The following TYW1B variants were observed in gnomAD, a reference collection of about 807,000 sequenced individuals.
TYW1B encodes the protein S-adenosyl-L-methionine-dependent tRNA 4-demethylwyosine synthase TYW1B.
A neutral mutation model predicts 86.9 loss-of-function variants in TYW1B; 73 were observed. The observed-to-expected ratio is 0.84, with a 90% CI of 0.70 to 1.02. The LOEUF (loss-of-function observed/expected upper bound fraction) is 1.02, where lower values mean the gene tolerates loss of function less well. TYW1B is among the 50% of genes least tolerant of loss of function. The pLI is 0.00. For missense variants in TYW1B, 637 were observed against 827.4 expected (o/e 0.77, Z 2.82); for synonymous variants, 248 against 292.8 (o/e 0.85, Z 1.56).
chr7:72,634,367 T>C (rs1399362277), intron 11 of TYW1B, among the ~76,000 whole-genome samples: 1 of 147,614 alleles, frequency 6.8e-6, no homozygotes, highest in Non-Finnish European at 1.5e-5. Context: ...TTTTTTTTTT[T>C]CTGTAGAGAC....
In TYW1B at chr7:72,688,419, TC is replaced by T. The variant is rs1814060980; in HGVS notation, c.1506+6267del. Among the ~76,000 whole-genome samples the T allele has an allele frequency of 2.0e-5, 3 of 152,332 alleles. No individual in the cohort carries two copies. The South Asian group carries it at 6.2e-4, about 32-fold the overall frequency. ...CCACACAAAACACTGCACCATACTT[TC>T]TTTTTGACATAGTAATTAAAGACCA... On this transcript the variant is annotated intron_variant, in intron 11 of 13. Transcript: ENST00000620995.
At chr7:72,800,761 T>G (rs1267205314) in intron 6 of TYW1B, among the ~76,000 whole-genome samples, 5 of 150,194 alleles carry the variant, frequency 3.3e-5, no homozygotes, top group Admixed American at 1.3e-4. Context: ...CTCATCCTTC[T>G]CATCACTACT....
rs782610465 is a variant in TYW1B at position 72,713,710 on chromosome 7, G to A, written c.1281C>T (p.Tyr427=). 5 of 1,613,634 alleles carry A rather than the reference G, an allele frequency of 3.1e-6. No homozygotes were observed. In the Admixed American group the frequency reaches 6.7e-5, roughly 22 times the overall value. Residue 427 remains tyrosine, a synonymous_variant, in exon 10 of 14, where the codon TAC becomes TAT. Coordinates refer to ENST00000620995, the MANE Select transcript of TYW1B (RefSeq NM_001145440.3). The part of the protein sequence containing the change: ...ALSLVGEPIM[Y]PEINRFLKLL... Reference sequence around the variant, plus strand: ...GCTTCAAAAACCTGTTGATCTCTGGGTACATTATTGGTTCTCCCACGAGGG... The same window carrying A: ...GCTTCAAAAACCTGTTGATCTCTGGATACATTATTGGTTCTCCCACGAGGG...
intron 12 of TYW1B, 128 bp from the exon 13 acceptor site, chr7:72,616,967 G>C: frequency 8.0e-7 from 1 of 1,252,912 alleles, no homozygotes; most frequent in South Asian, 1.5e-5. Flanking sequence ...AGTGAAGGAA[G>C]TGAATATAGA....
intron 13 of TYW1B, among the ~76,000 whole-genome samples, chr7:72,586,004 G>T (rs1420994040): frequency 6.6e-6 from 1 of 152,116 alleles, no homozygotes; most frequent in Non-Finnish European, 1.5e-5. Flanking sequence ...ATTCACCAGC[G>T]CAAAGTTCAG....
At chr7:72,757,312 G>T (rs1787608639) in intron 7 of TYW1B, among the ~76,000 whole-genome samples, 1 of 149,214 alleles carries the variant, frequency 6.7e-6, no homozygotes, top group Non-Finnish European at 1.5e-5. Context: ...AGGTTGCAGT[G>T]AGCCAAGATC....
intron 7 of TYW1B, among the ~76,000 whole-genome samples, chr7:72,762,939 C>T (rs1336762349): frequency 6.6e-6 from 1 of 152,132 alleles, no homozygotes; most frequent in Non-Finnish European, 1.5e-5. Context: ...CGATTACAGG[C>T]GTGAGCCACC....
chr7:72,679,574 T>C (rs1813819479), intron 11 of TYW1B, among the ~76,000 whole-genome samples: 1 of 152,062 alleles, frequency 6.6e-6, no homozygotes. Flanking sequence ...GTTTCATAGT[T>C]TGGGGGAAAC....
chr7:72,575,710 C>G lies in TYW1B; in HGVS notation c.1795G>C (p.Gly599Arg), dbSNP rs1554428339. 2 of 1,589,422 alleles carry G rather than the reference C, an allele frequency of 1.3e-6. No homozygotes were observed. The highest frequency in any genetic ancestry group is 8.5e-7 in the Non-Finnish European group (1 of 1,170,096). Residue 599 changes from glycine to arginine, a missense_variant, in exon 14 of 14, where the codon GGT becomes CGT. Gly to Arg is a moderately radical substitution (Grantham distance 125). Transcript: ENST00000620995. The stretch of plus-strand genomic sequence containing the variant: ...TCGATCCATGTCCACCATTCACCAC[C>G]AATTTTAAACTGGAAAGAAAAAAAT... Reference protein sequence around the residue: ...LLIAHRKFKIGGEWWTWIDYN... With the variant: ...LLIAHRKFKIRGEWWTWIDYN...
chr7:72,699,428 C>T (rs777222394), intron 10 of TYW1B, among the ~76,000 whole-genome samples: 2 of 152,144 alleles, frequency 1.3e-5, no homozygotes, highest in African/African-American at 2.4e-5. Flanking sequence ...ATGAAAGTCA[C>T]GTGGCTCCAG....
chr7:72,789,652 T>C (rs1788186376), intron 6 of TYW1B, among the ~76,000 whole-genome samples: 1 of 152,074 alleles, frequency 6.6e-6, no homozygotes, highest in African/African-American at 2.4e-5. Context: ...TTAATTTTTT[T>C]TATTAATAGA....
At chr7:72,608,354 A>AT (rs1156765404) in intron 13 of TYW1B, among the ~76,000 whole-genome samples, 1 of 152,204 alleles carries the variant, frequency 6.6e-6, no homozygotes, top group African/African-American at 2.4e-5. Flanking sequence ...ATGCCATGTG[A>AT]TTTTCACTGT....
intron 9 of TYW1B, among the ~76,000 whole-genome samples, chr7:72,716,428 C>T (rs1290197009): frequency 1.3e-5 from 2 of 152,238 alleles, no homozygotes; most frequent in Admixed American, 1.3e-4. Context: ...ATCCCAGTCA[C>T]TGTCACCTTA....
chr7:72,632,376 T>TA lies in TYW1B; in HGVS notation c.1507-3380_1507-3379insT, dbSNP rs1344563944. 3.4e-4 allele frequency among the ~76,000 whole-genome samples: 33 copies of TA among 96,232 alleles called. 1 individual carries two copies. The highest frequency in any genetic ancestry group is 2.7e-3 in the South Asian group (9 of 3,384). The allele number at this position is 96,232 out of a possible 152,430, so 63.1% of individuals were successfully genotyped here. A position where few individuals can be genotyped will look rare whatever the true frequency, so the allele number is the denominator to read the frequency against. ...TATATTATATATATACGCATATATA[T>TA]TATATATATACGTATATATATATAA... is the stretch of plus-strand genomic sequence containing the variant. On this transcript the variant is annotated intron_variant, in intron 11 of 13. Transcript: ENST00000620995.
At chr7:72,614,008 G>C (rs140268931) in intron 13 of TYW1B, among the ~76,000 whole-genome samples, 5,194 of 133,090 alleles carry the variant, frequency 0.039, no homozygotes, top group African/African-American at 0.053. Flanking sequence ...ATGCTGGGGG[G>C]GTGGGGGGCA....
chr7:72,818,003 C>A (rs557469844), intron 2 of TYW1B, among the ~76,000 whole-genome samples: 1 of 151,132 alleles, frequency 6.6e-6, no homozygotes, highest in Non-Finnish European at 1.5e-5. Flanking sequence ...TCTCCAGACT[C>A]TACTTTCCTA....
intron 9 of TYW1B, among the ~76,000 whole-genome samples, chr7:72,718,596 G>T (rs2129570811): frequency 6.6e-6 from 1 of 152,164 alleles, no homozygotes; most frequent in Middle Eastern, 3.4e-3. Flanking sequence ...GCAATTGTAA[G>T]AATGTATTTC....
chr7:72,722,984 T>A lies in TYW1B; in HGVS notation c.1192+5838A>T, dbSNP rs1786932124. Reference sequence around the variant, plus strand: ...TCCCCACCAGATGCCCTGCACTGGATACCTAAGCCTTGGGAATGGACACGG... The same window carrying A: ...TCCCCACCAGATGCCCTGCACTGGAAACCTAAGCCTTGGGAATGGACACGG... On this transcript the variant is annotated intron_variant, in intron 9 of 13. Transcript: ENST00000620995. 33 of 690,016 alleles carry A rather than the reference T, an allele frequency of 4.8e-5. 1 individual carries two copies. The South Asian group carries it at 5.3e-4, about 11-fold the overall frequency. The allele number at this position is 690,016 out of a possible 1,614,324, so 42.7% of individuals were successfully genotyped here. A position where few individuals can be genotyped will look rare whatever the true frequency, so the allele number is the denominator to read the frequency against.
intron 7 of TYW1B, among the ~76,000 whole-genome samples, chr7:72,755,443 A>C (rs1554465829): frequency 6.6e-6 from 1 of 152,168 alleles, no homozygotes; most frequent in South Asian, 2.1e-4. Context: ...TGGGAGGCAA[A>C]GGTGGGCAGA....
Sources: gnomAD v4.1 joint callset for allele counts (sites outside exome capture counted in the v4.1 genomes callset) on GRCh38, gnomAD v4.1.1 for gene constraint, MANE v1.5 for transcripts, NCBI Gene and HGNC (gene_info 2026-07-23, HGNC 2026-07-21) for gene names.